ABCB4: variants seen among roughly 807,000 people sequenced by gnomAD.
ABCB4 encodes ATP binding cassette subfamily B member 4.
A neutral mutation model predicts 145.7 loss-of-function variants in ABCB4; 76 were observed. That is an observed-to-expected ratio of 0.52 (90% CI 0.43 to 0.63). ABCB4 has a LOEUF of 0.63. Ranked by LOEUF, ABCB4 falls within the 30% of genes least tolerant of loss-of-function variation. The pLI, the probability that ABCB4 is intolerant of heterozygous loss-of-function variation, is 0.00. For synonymous variants in ABCB4, 517 were observed against 566.8 expected (o/e 0.91, Z 1.25); for missense variants, 1,234 against 1,553.1 (o/e 0.79, Z 3.45).
chr7:87,398,520 A>G (rs539624081), downstream of ABCB4: 1 of 1,613,494 alleles, frequency 6.2e-7, no homozygotes, highest in African/African-American at 1.3e-5. Flanking sequence ...TTTATGCTTC[A>G]CAGGTTTGTT....
chr7:87,452,564 T>A (rs1811816368), intron 6 of ABCB4: 2 of 302,224 alleles, frequency 6.6e-6, no homozygotes. Context: ...CACCCTCAAA[T>A]ATTTGTTGAA....
intron 7 of ABCB4, 53 bp from the exon 8 acceptor site, chr7:87,450,145 G>C (rs1811616108): frequency 6.2e-7 from 1 of 1,608,854 alleles, no homozygotes; most frequent in Non-Finnish European, 8.5e-7. Flanking sequence ...AAGTTTAAAG[G>C]CACTCTGGTC....
chr7:87,405,301 A>T (rs1808102933), intron 26 of ABCB4, among the ~76,000 whole-genome samples: 2 of 152,338 alleles, frequency 1.3e-5, no homozygotes, highest in South Asian at 4.1e-4. Flanking sequence ...ATATAAAATT[A>T]TACAAACGGA....
rs924733660 is a variant in ABCB4, at chr7:87,417,599, G to A, written c.2479-84C>T. 8.9e-6 allele frequency: 10 copies of A among 1,122,618 alleles called. 1 individual carries two copies. The South Asian group carries it at 8.9e-5, about 10-fold the overall frequency. The allele number at this position is 1,122,618 out of a possible 1,614,324, so 69.5% of individuals were successfully genotyped here. A position where few individuals can be genotyped will look rare whatever the true frequency, so the allele number is the denominator to read the frequency against. ...GCCTTAGCCTCTTGGTCAGAATGAT[G>A]AGTGGGTTCTATGCCTGAGCTACAT... On this transcript the variant is annotated intron_variant, in intron 20 of 27. Transcript: ENST00000649586.
At chr7:87,366,098 G>C in the ABCB4 span, among the ~76,000 whole-genome samples, 1 of 152,150 alleles carries the variant, frequency 6.6e-6, no homozygotes, top group African/African-American at 2.4e-5. Flanking sequence ...CTACCCTCAC[G>C]ACTTCCCCAA....
intron 4 of ABCB4, among the ~76,000 whole-genome samples, chr7:87,457,491 G>A (rs1202001715): frequency 6.6e-6 from 1 of 152,214 alleles, no homozygotes; most frequent in Non-Finnish European, 1.5e-5. Context: ...GCCTCCCGTA[G>A]TAAGGAACTG....
intron 14 of ABCB4, among the ~76,000 whole-genome samples, chr7:87,435,613 C>G (rs1027196146): frequency 6.6e-6 from 1 of 152,236 alleles, no homozygotes. Context: ...CCATCCCCAA[C>G]TGCCAGGCAC....
rs1191547765 is a variant in ABCB4, at chr7:87,406,186, TA to T, written c.3486+101del. On this transcript the variant is annotated intron_variant, in intron 26 of 27. Transcript: ENST00000649586. ...GCCTTGTCCAAGTTGTTAATGTTAG[TA>T]AATCAACATATTTTGTTACAAGATT... 1.5e-5 allele frequency: 19 copies of T among 1,245,466 alleles called. No homozygotes were observed. In the East Asian group the frequency reaches 3.7e-4, roughly 24 times the overall value. 77.2% of individuals were successfully genotyped at this position (1,245,466 alleles called of 1,614,324 possible).
At chr7:87,403,326 TA>T (rs1423852513) in intron 26 of ABCB4, 45 bp from the exon 27 acceptor site, 1 of 1,537,804 alleles carries the variant, frequency 6.5e-7, no homozygotes, top group Non-Finnish European at 9.0e-7. Context: ...AACTGTTGCT[TA>T]ACAGTTGACA....
chr7:87,416,931 A>G (rs1200143511), intron 21 of ABCB4, among the ~76,000 whole-genome samples: 1 of 152,204 alleles, frequency 6.6e-6, no homozygotes, highest in Non-Finnish European at 1.5e-5. Context: ...AAAGAAGAGG[A>G]TCTCTTAAAT....
intron 4 of ABCB4, among the ~76,000 whole-genome samples, chr7:87,455,012 G>A (rs1269592901): frequency 1.3e-5 from 2 of 151,678 alleles, no homozygotes; most frequent in Admixed American, 6.5e-5. Flanking sequence ...TTTTTTGGTG[G>A]CTCAAAGCAC....
intron 4 of ABCB4, 111 bp from the exon 5 acceptor site, chr7:87,454,703 ATTG>A: frequency 6.1e-6 from 5 of 816,196 alleles, no homozygotes; most frequent in Non-Finnish European, 7.9e-6. Context: ...AGAAGATGCT[ATTG>A]TTAAGTTTCT....
At chr7:87,378,819 A>G in the ABCB4 span, among the ~76,000 whole-genome samples, 1 of 152,170 alleles carries the variant, frequency 6.6e-6, no homozygotes, top group East Asian at 1.9e-4. Flanking sequence ...AAACCACTAC[A>G]AAGTGGTGCT....
intron 8 of ABCB4, among the ~76,000 whole-genome samples, chr7:87,448,420 C>A (rs2116764338): frequency 6.6e-6 from 1 of 152,300 alleles, no homozygotes; most frequent in Admixed American, 6.5e-5. Context: ...GCACCCAGGT[C>A]TTCAGGGTGC....
rs1811154455 is a variant in ABCB4 at position 87,443,772 on chromosome 7, T to C, written c.1121A>G (p.Asn374Ser). 2 of 1,609,858 alleles carry C rather than the reference T, an allele frequency of 1.2e-6. No homozygotes were observed. The highest frequency in any genetic ancestry group is 1.7e-6 in the Non-Finnish European group (2 of 1,176,322). ...AYVIFDIIDNNPKIDSFSERG... is the reference protein window; with the variant it reads ...AYVIFDIIDNSPKIDSFSERG... Reference sequence around the variant, plus strand: ...CTCTGAAAAACTGTCAATTTTAGGATTCTAAATAAAACAAAATGTAATGAC... The same window carrying C: ...CTCTGAAAAACTGTCAATTTTAGGACTCTAAATAAAACAAAATGTAATGAC... Residue 374 changes from asparagine to serine, a missense_variant and splice_region_variant, in exon 11 of 28, where the codon AAT (asparagine) becomes AGT (serine). Physicochemically the swap from Asn to Ser is conservative, Grantham distance 46. Around this residue, in one of 7 missense-constraint regions of ABCB4, gnomAD observed 467 missense variants for 632.8 expected, o/e 0.74. Transcript: ENST00000649586.
chr7:87,392,088 T>C, the ABCB4 span, among the ~76,000 whole-genome samples: 8 of 152,242 alleles, frequency 5.3e-5, no homozygotes, highest in African/African-American at 1.7e-4. Context: ...TTTCATATAG[T>C]GGAACCAGGA....
the ABCB4 span, among the ~76,000 whole-genome samples, chr7:87,388,178 C>T: frequency 6.6e-6 from 1 of 152,048 alleles, no homozygotes; most frequent in African/African-American, 2.4e-5. Flanking sequence ...ACCCTCATAT[C>T]CTGGCTGCTC....
At chr7:87,369,671 T>C in the ABCB4 span, 1 of 273,940 alleles carries the variant, frequency 3.7e-6, no homozygotes, top group Non-Finnish European at 6.7e-6. Flanking sequence ...TAGACATATA[T>C]AAATATGTTC....
In ABCB4 at chr7:87,442,959, C is replaced by A. The variant is rs45561834; in HGVS notation, c.1356+360G>T. ...TTGCTGTCCTAAAATATCTGGTGAC[C>A]CTAATTGTCATCAATTGTTCCCAAC... On this transcript the variant is annotated intron_variant, in intron 12 of 27. Coordinates refer to ENST00000649586, the MANE Select transcript of ABCB4 (RefSeq NM_000443.4). 4.6e-3 allele frequency among the ~76,000 whole-genome samples: 707 copies of A among 152,090 alleles called. 17 individuals carry two copies. Among genetic ancestry groups the A allele is most frequent in the Admixed American group, 0.039 (596 of 15,256 alleles).
Sources: allele counts gnomAD v4.1 joint callset (sites outside exome capture counted in the v4.1 genomes callset), GRCh38; gene constraint gnomAD v4.1.1; regional missense constraint gnomAD v4.1.1; transcripts MANE v1.5; gene names NCBI Gene and HGNC (gene_info 2026-07-23, HGNC 2026-07-21).